ALCAM: variants seen among roughly 807,000 people sequenced by gnomAD.
ALCAM encodes activated leukocyte cell adhesion molecule, also known as CD166 antigen.
A neutral mutation model predicts 70.9 loss-of-function variants in ALCAM; 30 were observed. The observed-to-expected ratio is 0.42, with a 90% CI of 0.32 to 0.57. The LOEUF (loss-of-function observed/expected upper bound fraction) is 0.57, where lower values mean the gene tolerates loss of function less well. ALCAM is among the 20% of genes least tolerant of loss of function. ALCAM has a pLI of 0.11. For missense variants in ALCAM, 591 were observed against 695.1 expected, an observed-to-expected ratio of 0.85 and a Z score of 1.68; for synonymous variants, 249 against 242.5, an observed-to-expected ratio of 1.03 and a Z score of -0.25.
rs1484563779 is a variant in ALCAM, at chr3:105,393,135, A to T, written c.73+25654A>T. 2.6e-5 allele frequency among the ~76,000 whole-genome samples: 4 copies of T among 151,952 alleles called. No homozygotes were observed. In the East Asian group the frequency reaches 7.8e-4, roughly 29 times the overall value. On this transcript the variant is annotated intron_variant, in intron 1 of 15. Coordinates refer to ENST00000306107, the MANE Select transcript of ALCAM (RefSeq NM_001627.4). ...TGCGAATTTTTTTCTTATTTGTTAC[A>T]ATAAACCTACAAACATATTGAAATT...
At chr3:105,416,896 G>A (rs570121365) in intron 1 of ALCAM, among the ~76,000 whole-genome samples, 1 of 151,910 alleles carries the variant, frequency 6.6e-6, no homozygotes, top group South Asian at 2.1e-4. Flanking sequence ...TAATAGAGCT[G>A]GAGAGAATTT....
chr3:105,502,058 CAT>C (rs1938935627), intron 1 of ALCAM, among the ~76,000 whole-genome samples: 1 of 152,200 alleles, frequency 6.6e-6, no homozygotes. Context: ...AGAAATCTGA[CAT>C]ACTATCTTTT....
rs77649338 is a variant in ALCAM at position 105,560,961 on chromosome 3, T to G, written c.1664+8376T>G. 2.1e-3 allele frequency among the ~76,000 whole-genome samples: 321 copies of G among 152,342 alleles called. 1 individual carries two copies. Among genetic ancestry groups the G allele is most frequent in the African/African-American group, 7.4e-3 (307 of 41,578 alleles). ...AAAAGTTTTGTGGAATTAGCGTTGC[T>G]TTTAATGTACAAATGAATTTGGGTA... is the stretch of plus-strand genomic sequence containing the variant. On this transcript the variant is annotated intron_variant, in intron 14 of 15. Transcript: ENST00000306107.
At chr3:105,547,549 G>T (rs759314317) in intron 11 of ALCAM, 26 bp downstream of exon 11, 2 of 1,599,618 alleles carry the variant, frequency 1.3e-6, no homozygotes, top group Non-Finnish European at 8.5e-7. Flanking sequence ...CTTGTTATAT[G>T]CTGCACTTCG....
intron 5 of ALCAM, 52 bp downstream of exon 5, chr3:105,533,742 C>A: frequency 6.5e-7 from 1 of 1,538,498 alleles, no homozygotes; most frequent in Non-Finnish European, 9.0e-7. Context: ...CCTGTTCTGA[C>A]TTTCTTTGTT....
chr3:105,485,413 G>A (rs1257793166), intron 1 of ALCAM, among the ~76,000 whole-genome samples: 7 of 151,872 alleles, frequency 4.6e-5, no homozygotes, highest in African/African-American at 9.7e-5. Flanking sequence ...ACATCCACAT[G>A]TGTGTGACAG....
intron 1 of ALCAM, among the ~76,000 whole-genome samples, chr3:105,374,891 G>A (rs1320410111): frequency 6.6e-6 from 1 of 152,136 alleles, no homozygotes; most frequent in Admixed American, 6.5e-5. Flanking sequence ...GTATTCCCTT[G>A]GCAATAATTG....
At chr3:105,564,871 C>A (rs1408321646) in intron 14 of ALCAM, among the ~76,000 whole-genome samples, 1 of 152,160 alleles carries the variant, frequency 6.6e-6, no homozygotes, top group Non-Finnish European at 1.5e-5. Context: ...CGTGGCAAAA[C>A]CCTGTCCCTA....
intron 1 of ALCAM, among the ~76,000 whole-genome samples, chr3:105,507,818 CT>C (rs1201189168): frequency 6.6e-6 from 1 of 152,122 alleles, no homozygotes; most frequent in Non-Finnish European, 1.5e-5. Context: ...AGACACAGGT[CT>C]TTAAGTTAGA....
chr3:105,454,652 AATT>A (rs1937509220), intron 1 of ALCAM, among the ~76,000 whole-genome samples: 2 of 101,318 alleles, frequency 2.0e-5, no homozygotes, highest in Non-Finnish European at 3.9e-5. Flanking sequence ...GATGCTCATT[AATT>A]TTTTTTTTTT....
chr3:105,444,448 C>T (rs185292440), intron 1 of ALCAM, among the ~76,000 whole-genome samples: 535 of 152,226 alleles, frequency 3.5e-3, no homozygotes, highest in Non-Finnish European at 6.4e-3. Flanking sequence ...GAGAAACCAC[C>T]CCCATGATAC....
intron 1 of ALCAM, among the ~76,000 whole-genome samples, chr3:105,384,270 A>T (rs1387032869): frequency 6.6e-6 from 1 of 151,644 alleles, no homozygotes; most frequent in Non-Finnish European, 1.5e-5. Flanking sequence ...GTCTTTACTG[A>T]TAAAAACAGT....
intron 14 of ALCAM, among the ~76,000 whole-genome samples, chr3:105,558,189 C>G (rs1228104722): frequency 1.3e-5 from 2 of 152,096 alleles, no homozygotes; most frequent in Non-Finnish European, 2.9e-5. Context: ...TAAATACCAA[C>G]AGCTGTGGTA....
At chr3:105,525,028 T>G in intron 3 of ALCAM, 1 of 888,990 alleles carries the variant, frequency 1.1e-6, no homozygotes, top group Non-Finnish European at 1.3e-6. Context: ...CCCATATATA[T>G]CCACATACAA....
chr3:105,476,394 A>T (rs990488294), intron 1 of ALCAM, among the ~76,000 whole-genome samples: 2 of 152,064 alleles, frequency 1.3e-5, no homozygotes, highest in African/African-American at 4.8e-5. Context: ...AAAACACTTC[A>T]CTCATGTCCA....
intron 14 of ALCAM, among the ~76,000 whole-genome samples, chr3:105,565,479 T>G (rs1940723652): frequency 6.6e-6 from 1 of 152,220 alleles, no homozygotes; most frequent in African/African-American, 2.4e-5. Context: ...TATTCAACTT[T>G]ATTTTCAGTC....
Position 105,547,436 on chromosome 3 carries a change from A to G in ALCAM, c.1287A>G (p.Leu429=), listed in dbSNP as rs1436065483. The change falls in exon 11 of 16, where the codon CTA becomes CTG. Residue 429 remains leucine, a synonymous_variant. Transcript: ENST00000306107. ...CAAAGAAAACTGATCCCAGTGGACTATCTAAAACAATAATCTGCCATGTGG... is the reference window on the plus strand; with the variant it reads ...CAAAGAAAACTGATCCCAGTGGACTGTCTAAAACAATAATCTGCCATGTGG... The part of the protein sequence containing the change: ...KMTKKTDPSG[L]SKTIICHVEG... The G allele has an allele frequency of 1.7e-5, 27 of 1,610,390 alleles. No homozygotes were observed. Among genetic ancestry groups the G allele is most frequent in the Non-Finnish European group, 2.3e-5 (27 of 1,177,696 alleles).
At chr3:105,402,551 G>A (rs968886512) in intron 1 of ALCAM, among the ~76,000 whole-genome samples, 1 of 152,174 alleles carries the variant, frequency 6.6e-6, no homozygotes, top group Non-Finnish European at 1.5e-5. Context: ...GGGCATGGTG[G>A]GAGTGAGACC....
intron 8 of ALCAM, among the ~76,000 whole-genome samples, chr3:105,542,489 A>T (rs1940144569): frequency 6.6e-6 from 1 of 151,744 alleles, no homozygotes; most frequent in Non-Finnish European, 1.5e-5. Context: ...TTCATACCAC[A>T]CCCTGGTGAC....
Sources: allele counts gnomAD v4.1 joint callset (sites outside exome capture counted in the v4.1 genomes callset), GRCh38; gene constraint gnomAD v4.1.1; transcripts MANE v1.5; gene names NCBI Gene and HGNC (gene_info 2026-07-23, HGNC 2026-07-21).